Variants in EXOC4 observed in about 807,000 individuals in gnomAD.
EXOC4 encodes the protein exocyst complex component 4, also known as SEC8-like 1.
In EXOC4, 71 loss-of-function variants were observed where a neutral mutation model predicts 107.2. The ratio of observed to expected loss-of-function variants is 0.66; its 90% confidence interval spans 0.55 to 0.81. The LOEUF (loss-of-function observed/expected upper bound fraction) is 0.81. Among genes scored for constraint, EXOC4 ranks in the 30% least tolerant of loss-of-function variants. EXOC4 has a pLI of 0.00. For missense variants in EXOC4, 1,108 were observed against 1,189.6 expected (o/e 0.93, Z 1.01); for synonymous variants, 456 against 441.2 (o/e 1.03, Z -0.42).
chr7:133,357,001 A>G (rs1796036158), intron 6 of EXOC4, among the ~76,000 whole-genome samples: 2 of 152,216 alleles, frequency 1.3e-5, no homozygotes, highest in African/African-American at 4.8e-5. Flanking sequence ...AGGATACTAT[A>G]GCCCATACAA....
chr7:133,321,776 C>T (rs549746203), intron 5 of EXOC4, among the ~76,000 whole-genome samples: 5 of 152,232 alleles, frequency 3.3e-5, no homozygotes, highest in Admixed American at 1.3e-4. Flanking sequence ...ATTTTTGGTT[C>T]CAGATCCTTG....
intron 7 of EXOC4, among the ~76,000 whole-genome samples, chr7:133,446,336 CT>C (rs562178768): frequency 1.2e-3 from 183 of 152,236 alleles, no homozygotes; most frequent in African/African-American, 4.1e-3. Context: ...GAGAGAGATG[CT>C]TTTTATTTTT....
At chr7:133,308,596 G>A (rs1218394434) in intron 4 of EXOC4, among the ~76,000 whole-genome samples, 1 of 152,014 alleles carries the variant, frequency 6.6e-6, no homozygotes, top group African/African-American at 2.4e-5. Flanking sequence ...GGCAGTGGGA[G>A]GGAACTCAGA....
intron 10 of EXOC4, among the ~76,000 whole-genome samples, chr7:133,675,513 C>T (rs1301311443): frequency 6.6e-6 from 1 of 151,990 alleles, no homozygotes; most frequent in Non-Finnish European, 1.5e-5. Flanking sequence ...AATTTGAAAC[C>T]AGGCAGTGTA....
chr7:133,850,675 A>T (rs1408930136), intron 11 of EXOC4, among the ~76,000 whole-genome samples: 1 of 149,316 alleles, frequency 6.7e-6, no homozygotes, highest in Non-Finnish European at 1.5e-5. Context: ...AATCCATTTT[A>T]TATCACTCCA....
chr7:133,335,906 A>G (rs1422533778), intron 5 of EXOC4, among the ~76,000 whole-genome samples: 1 of 151,686 alleles, frequency 6.6e-6, no homozygotes, highest in Non-Finnish European at 1.5e-5. Context: ...GATATATCTG[A>G]TTATTGTTTT....
At chr7:133,341,777 T>A (rs1795665972) in intron 5 of EXOC4, among the ~76,000 whole-genome samples, 1 of 152,210 alleles carries the variant, frequency 6.6e-6, no homozygotes, top group African/African-American at 2.4e-5. Context: ...CTTTTATCAT[T>A]ATCTAATGTC....
intron 9 of EXOC4, among the ~76,000 whole-genome samples, chr7:133,581,756 TCAA>T (rs1563115705): frequency 9.2e-5 from 3 of 32,706 alleles, no homozygotes; most frequent in Middle Eastern, 0.028. Context: ...AGACTCCGTC[TCAA>T]AAAAAAAAAA....
intron 11 of EXOC4, among the ~76,000 whole-genome samples, chr7:133,841,596 C>T (rs1798025543): frequency 6.6e-6 from 1 of 152,140 alleles, no homozygotes. Flanking sequence ...GTACCATTTC[C>T]ACCACAGTCC....
At chr7:133,673,151 G>T (rs1193370295) in intron 10 of EXOC4, among the ~76,000 whole-genome samples, 1 of 152,108 alleles carries the variant, frequency 6.6e-6, no homozygotes, top group African/African-American at 2.4e-5. Flanking sequence ...AGCAGTTGAG[G>T]TTAAAGAGCC....
At chr7:133,789,881 T>G (rs1184188743) in intron 10 of EXOC4, among the ~76,000 whole-genome samples, 1 of 152,194 alleles carries the variant, frequency 6.6e-6, no homozygotes, top group Non-Finnish European at 1.5e-5. Context: ...TTTCTAACTC[T>G]CCATCTTAGA....
At chr7:133,378,380 A>G (rs1796537630) in intron 7 of EXOC4, among the ~76,000 whole-genome samples, 1 of 151,990 alleles carries the variant, frequency 6.6e-6, no homozygotes, top group Admixed American at 6.6e-5. Context: ...ATCTACAGAA[A>G]AAAGTAAATA....
At chr7:133,287,633 G>T (rs973633255) in intron 2 of EXOC4, among the ~76,000 whole-genome samples, 6 of 152,168 alleles carry the variant, frequency 3.9e-5, no homozygotes, top group African/African-American at 1.2e-4. Flanking sequence ...ATTAAGAGAG[G>T]TTACAAGGTC....
chr7:133,971,361 T>TATATATATATATATAGAGAG (rs1489958236), intron 14 of EXOC4, among the ~76,000 whole-genome samples: 3 of 75,068 alleles, frequency 4.0e-5, no homozygotes, highest in African/African-American at 1.2e-4. Flanking sequence ...TATATATATA[T>TATATATATATATATAGAGAG]AGAGAGAGAG....
intron 4 of EXOC4, among the ~76,000 whole-genome samples, chr7:133,310,427 A>C (rs908108422): frequency 3.3e-5 from 5 of 152,240 alleles, no homozygotes; most frequent in Admixed American, 6.5e-5. Context: ...TGTGTCCTTC[A>C]AGGTCCTCTG....
intron 14 of EXOC4, among the ~76,000 whole-genome samples, chr7:133,947,829 CATG>C (rs1268722133): frequency 6.6e-6 from 1 of 152,112 alleles, no homozygotes; most frequent in Admixed American, 6.6e-5. Flanking sequence ...ATGATAATAT[CATG>C]GATGCTTAAG....
intron 9 of EXOC4, among the ~76,000 whole-genome samples, chr7:133,562,466 T>C (rs1316023559): frequency 6.6e-6 from 1 of 152,218 alleles, no homozygotes; most frequent in Non-Finnish European, 1.5e-5. Context: ...ATTCATCTGA[T>C]ACTTCCAGAC....
chr7:133,764,729 G>C (rs1411491341), intron 10 of EXOC4, among the ~76,000 whole-genome samples: 1 of 152,044 alleles, frequency 6.6e-6, no homozygotes, highest in Non-Finnish European at 1.5e-5. Flanking sequence ...TTCTAGATAA[G>C]TTGTTTTGCC....
At chr7:133,733,614 A>C (rs1384768932) in intron 10 of EXOC4, 2 of 152,262 alleles carry the variant, frequency 1.3e-5, no homozygotes, top group Non-Finnish European at 2.9e-5. Context: ...TGAAAGAGCC[A>C]AAAGGAAAGA....
Sources: allele counts gnomAD v4.1 joint callset (sites outside exome capture counted in the v4.1 genomes callset), GRCh38; gene constraint gnomAD v4.1.1; transcripts MANE v1.5; gene names NCBI Gene and HGNC (gene_info 2026-07-23, HGNC 2026-07-21).